The following EDF1 variants were observed in gnomAD, a reference collection of about 807,000 sequenced individuals.
The protein encoded by EDF1 is endothelial differentiation related factor 1.
In EDF1, 5 loss-of-function variants were observed where a neutral mutation model predicts 20.8. The ratio of observed to expected loss-of-function variants is 0.24; its 90% CI spans 0.13 to 0.51. The LOEUF is 0.51. Ranked by LOEUF, EDF1 falls within the 20% of genes least tolerant of loss-of-function variation. EDF1 has a pLI of 0.97. For synonymous variants in EDF1, 96 were observed against 78.5 expected, an observed-to-expected ratio of 1.22 and a Z score of -1.18; for missense variants, 137 against 197.8, an observed-to-expected ratio of 0.69 and a Z score of 1.84.
chr9:136,863,185 G>A lies in EDF1; in HGVS notation c.291+103C>T. On this transcript the variant is annotated intron_variant, in intron 3 of 4. Transcript: ENST00000224073. This position sits in a 1 kb window ranked among gnomAD's most constrained non-coding sequence, Gnocchi z 4.5. The stretch of plus-strand genomic sequence containing the variant: ...GCTTCCCGAGGCATTCCCTGCAGGG[G>A]AACCAGGGGGGTGGAGCCCACCCTC... 2 of 1,543,726 alleles carry A rather than the reference G, an allele frequency of 1.3e-6. No individual in the cohort carries two copies. Among genetic ancestry groups the A allele is most frequent in the Non-Finnish European group, 1.7e-6 (2 of 1,143,548 alleles).
intron 1 of EDF1, among the ~76,000 whole-genome samples, chr9:136,865,164 A>G (rs1213980391): frequency 6.6e-6 from 1 of 152,150 alleles, no homozygotes; most frequent in Non-Finnish European, 1.5e-5. Context: ...CTTCAGCCCT[A>G]GGCCACCTGA....
intron 1 of EDF1, among the ~76,000 whole-genome samples, chr9:136,864,933 C>T (rs117680473): frequency 2.2e-4 from 33 of 152,304 alleles, no homozygotes; most frequent in Non-Finnish European, 3.5e-4. Context: ...AACATTTCTA[C>T]CACTTCAGAG....
At chr9:136,865,758 C>T (rs1048963006) in intron 1 of EDF1, among the ~76,000 whole-genome samples, 2 of 151,154 alleles carry the variant, frequency 1.3e-5, no homozygotes, top group Admixed American at 6.6e-5. Flanking sequence ...CCAGCCTTGT[C>T]CCCGTCCCCG....
At position 136,866,193 on chromosome 9, in the gene EDF1, G is replaced by A. The variant is rs1223142212; in HGVS notation, c.66C>T (p.Ala22=). The A allele has an allele frequency of 6.2e-7, 1 of 1,600,920 alleles. No individual in the cohort carries two copies. Among genetic ancestry groups the A allele is most frequent in the Admixed American group, 1.7e-5 (1 of 59,188 alleles). ...LRKKGPTAAQ[A]KSKQAILAAQ... ...GTCAGCAAAGCACCTGCTTGGATTT[G>A]GCCTGGGCGGCCGTAGGGCCCTTCT... The change falls in exon 1 of 5, where the codon GCC becomes GCT. Residue 22 remains alanine, a synonymous_variant. Coordinates refer to ENST00000224073, the MANE Select transcript of EDF1 (RefSeq NM_003792.4).
chr9:136,865,893 T>A (rs1282790812), intron 1 of EDF1, among the ~76,000 whole-genome samples: 2 of 116,628 alleles, frequency 1.7e-5, no homozygotes, highest in African/African-American at 6.5e-5. Flanking sequence ...TCCGGTTCCC[T>A]GCTCCTCTCC....
intron 1 of EDF1, among the ~76,000 whole-genome samples, chr9:136,864,391 G>A (rs1439432312): frequency 6.6e-6 from 1 of 151,096 alleles, no homozygotes; most frequent in African/African-American, 2.4e-5. Context: ...GTATGCGTTA[G>A]TGGATTCTTT....
Position 136,863,590 on chromosome 9 carries a change from C to T in EDF1, c.131-142G>A. 3 of 1,185,684 alleles carry T rather than the reference C, an allele frequency of 2.5e-6. No homozygotes were observed. Among genetic ancestry groups the T allele is most frequent in the African/African-American group, 1.5e-5 (1 of 65,054 alleles). 73.4% of individuals were successfully genotyped at this position (1,185,684 alleles called of 1,614,324 possible). A position where few individuals can be genotyped will look rare whatever the true frequency, so the allele number is the denominator to read the frequency against. On this transcript the variant is annotated intron_variant, in intron 2 of 4. Coordinates refer to ENST00000224073, the MANE Select transcript of EDF1 (RefSeq NM_003792.4). This position sits in a 1 kb window ranked among gnomAD's most constrained non-coding sequence, Gnocchi z 4.5. ...CCCAGGCTGTCCCAAGTTCACACAC[C>T]TCAGGTCGTGGACTTCCAGAGTTTT... is the stretch of plus-strand genomic sequence containing the variant.
Position 136,862,290 on chromosome 9 carries a change from C to A in EDF1, c.441G>T (p.Ala147=), listed in dbSNP as rs1849114634. ...TGATTTCGAGGCTTTGTGTTCATTT[C>A]GCCCTAGGCCCCTTCTCGATGGGCT... The part of the protein sequence containing the change: ...IGKPIEKGPR[A]K The change falls in exon 5 of 5, where the codon GCG becomes GCT. Residue 147 remains alanine, a synonymous_variant. Coordinates refer to ENST00000224073, the MANE Select transcript of EDF1 (RefSeq NM_003792.4). The surrounding 1 kb of genome is among the most constrained non-coding windows in gnomAD (Gnocchi z 4.1). 6.2e-7 allele frequency: 1 copy of A among 1,613,884 alleles called. No homozygotes were observed. The highest frequency in any genetic ancestry group is 1.3e-5 in the African/African-American group (1 of 74,874).
intron 1 of EDF1, among the ~76,000 whole-genome samples, chr9:136,864,434 T>C (rs905034868): frequency 6.6e-6 from 1 of 152,010 alleles, no homozygotes; most frequent in Non-Finnish European, 1.5e-5. Flanking sequence ...GATTTACTTT[T>C]CTGCTGGACT....
In EDF1 at chr9:136,863,481, G is replaced by A. The variant is rs768552489; in HGVS notation, c.131-33C>T. The stretch of plus-strand genomic sequence containing the variant: ...CGGTGTGAGGCAAAAGCAGAGGAGA[G>A]GATTTGGAATTAACCTGAAGAAAAA... On this transcript the variant is annotated intron_variant, in intron 2 of 4. Transcript: ENST00000224073. The surrounding 1 kb of genome is among the most constrained non-coding windows in gnomAD (Gnocchi z 4.5). 1.3e-6 allele frequency: 2 copies of A among 1,599,184 alleles called. No homozygotes were observed. The highest frequency in any genetic ancestry group is 1.7e-5 in the Admixed American group (1 of 59,042).
chr9:136,866,109 T>C, intron 1 of EDF1, 72 bp downstream of exon 1: 2 of 1,319,268 alleles, frequency 1.5e-6, no homozygotes, highest in East Asian at 3.9e-5. Context: ...CCGAGCCCCC[T>C]GCCCCACGGT....
In EDF1 at chr9:136,863,803, G is replaced by A. The variant is rs941576750; in HGVS notation, c.130+17C>T. ...ACAGCACAGCCTCATGTTGCAAGCGGAAACACAAGTACCTACATTTCTTGG... is the reference window on the plus strand; with the variant it reads ...ACAGCACAGCCTCATGTTGCAAGCGAAAACACAAGTACCTACATTTCTTGG... On this transcript the variant is annotated intron_variant, in intron 2 of 4. Transcript: ENST00000224073. This position sits in a 1 kb window ranked among gnomAD's most constrained non-coding sequence, Gnocchi z 4.5. 4 of 1,613,732 alleles carry A rather than the reference G, an allele frequency of 2.5e-6. No individual in the cohort carries two copies. The Admixed American group carries it at 6.7e-5, about 27-fold the overall frequency.
chr9:136,863,366 G>A lies in EDF1; in HGVS notation c.213C>T (p.Asp71=). Residue 71 remains aspartate, a synonymous_variant, in exon 3 of 5, where the codon GAC becomes GAT. Transcript: ENST00000224073. The surrounding 1 kb of genome is among the most constrained non-coding windows in gnomAD (Gnocchi z 4.5). ...LDRETEELHH[D]RVTLEVGKVI... ...CCTTGCCCACCTCCAGGGTCACCCT[G>A]TCATGGTGCAGCTCCTCTGTCTCCC... is the stretch of plus-strand genomic sequence containing the variant. 1.2e-6 allele frequency: 2 copies of A among 1,614,148 alleles called. No homozygotes were observed. The highest frequency in any genetic ancestry group is 1.7e-6 in the Non-Finnish European group (2 of 1,180,026).
At position 136,862,446 on chromosome 9, in the gene EDF1, C is replaced by T; in HGVS notation, c.386-101G>A. On this transcript the variant is annotated intron_variant, in intron 4 of 4. Transcript: ENST00000224073. The surrounding 1 kb of genome is among the most constrained non-coding windows in gnomAD (Gnocchi z 4.1). ...TTCCCAGGGAAGGGGGGCCACGCCG[C>T]TCCCGTGCCTCACTGGGCTCTCAGC... 1 of 1,613,578 alleles carries T rather than the reference C, an allele frequency of 6.2e-7. No homozygotes were observed. The highest frequency in any genetic ancestry group is 8.5e-7 in the Non-Finnish European group (1 of 1,179,942).
In EDF1 at chr9:136,862,332, C is replaced by T. The variant is rs772193666; in HGVS notation, c.399G>A (p.Arg133=). ...CGATGGGCTTTCCAATGTCCTTTCCCCGGAGCTTGAGGCCTGAAATGAGCC... is the reference window on the plus strand; with the variant it reads ...CGATGGGCTTTCCAATGTCCTTTCCTCGGAGCTTGAGGCCTGAAATGAGCC... ...KIERAIGLKL[R]GKDIGKPIEK... The change falls in exon 5 of 5, where the codon CGG becomes CGA. Residue 133 remains arginine, a synonymous_variant. Coordinates refer to ENST00000224073, the MANE Select transcript of EDF1 (RefSeq NM_003792.4). The surrounding 1 kb of genome is among the most constrained non-coding windows in gnomAD (Gnocchi z 4.1). The T allele has an allele frequency of 3.1e-6, 5 of 1,613,944 alleles. No homozygotes were observed. In the Admixed American group the frequency reaches 8.3e-5, roughly 27 times the overall value.
At chr9:136,865,902 C>T (rs977823281) in intron 1 of EDF1, among the ~76,000 whole-genome samples, 1 of 149,560 alleles carries the variant, frequency 6.7e-6, no homozygotes, top group African/African-American at 2.5e-5. Flanking sequence ...CTGCTCCTCT[C>T]CTCCTCCAGT....
chr9:136,863,768 C>T lies in EDF1; in HGVS notation c.130+52G>A, dbSNP rs1267679293. On this transcript the variant is annotated intron_variant, in intron 2 of 4. Transcript: ENST00000224073. This position sits in a 1 kb window ranked among gnomAD's most constrained non-coding sequence, Gnocchi z 4.5. ...GCCGCACACACCACACCCACCAGCACATGGACCCCACAGCACAGCCTCATG... is the reference window on the plus strand; with the variant it reads ...GCCGCACACACCACACCCACCAGCATATGGACCCCACAGCACAGCCTCATG... 1.9e-6 allele frequency: 3 copies of T among 1,608,572 alleles called. No homozygotes were observed. The highest frequency in any genetic ancestry group is 2.6e-6 in the Non-Finnish European group (3 of 1,175,718).
At position 136,862,596 on chromosome 9, in the gene EDF1, C is replaced by T. The variant is rs1849125029; in HGVS notation, c.386-251G>A. 4.7e-5 allele frequency: 73 copies of T among 1,545,268 alleles called. No homozygotes were observed. Among genetic ancestry groups the T allele is most frequent in the Non-Finnish European group, 6.2e-5 (71 of 1,152,462 alleles). On this transcript the variant is annotated intron_variant, in intron 4 of 4. Coordinates refer to ENST00000224073, the MANE Select transcript of EDF1 (RefSeq NM_003792.4). This position sits in a 1 kb window ranked among gnomAD's most constrained non-coding sequence, Gnocchi z 4.1. ...CGGGGTCCTCTGTGGAACTGGCTTC[C>T]GGCCCCATGCTGACAGGGCCCGGAC... is the stretch of plus-strand genomic sequence containing the variant.
intron 1 of EDF1, among the ~76,000 whole-genome samples, chr9:136,865,755 T>TGTCCCC (rs1414806260): frequency 6.6e-6 from 1 of 150,994 alleles, no homozygotes; most frequent in South Asian, 2.1e-4. Flanking sequence ...CCCCCAGCCT[T>TGTCCCC]GTCCCCGTCC....
Sources: gnomAD v4.1 joint callset for allele counts (sites outside exome capture counted in the v4.1 genomes callset) on GRCh38, gnomAD v4.1.1 for gene constraint, Gnocchi (gnomAD v3.1) non-coding constraint, MANE v1.5 for transcripts, NCBI Gene and HGNC (gene_info 2026-07-23, HGNC 2026-07-21) for gene names.